The following COQ8A variants were observed in gnomAD, a reference collection of about 807,000 sequenced individuals.
COQ8A encodes coenzyme Q8A.
Under a neutral mutation model 65.0 loss-of-function variants are expected in COQ8A, and 51 were observed. The observed-to-expected ratio is 0.78, with a 90% CI of 0.63 to 0.99. The LOEUF (loss-of-function observed/expected upper bound fraction) is 0.99. COQ8A is among the 50% of genes least tolerant of loss of function. The pLI is 0.00. For missense variants in COQ8A, 940 were observed against 875.0 expected, an observed-to-expected ratio of 1.07 and a Z score of -0.94; for synonymous variants, 371 against 353.2, an observed-to-expected ratio of 1.05 and a Z score of -0.57.
intron 1 of COQ8A, among the ~76,000 whole-genome samples, chr1:226,956,337 C>T (rs1299654067): frequency 7.2e-6 from 1 of 137,950 alleles, no homozygotes; most frequent in Non-Finnish European, 1.5e-5. Flanking sequence ...GGTTCACACT[C>T]TCCCTGGCTC....
intron 4 of COQ8A, among the ~76,000 whole-genome samples, chr1:226,971,216 C>T (rs1048203883): frequency 1.3e-5 from 2 of 151,380 alleles, no homozygotes; most frequent in Non-Finnish European, 2.9e-5. Context: ...GCTGGGATTA[C>T]AGGCATGAGC....
intron 11 of COQ8A, 66 bp from the exon 12 acceptor site, chr1:226,984,482 C>A: frequency 6.9e-7 from 1 of 1,442,858 alleles, no homozygotes; most frequent in Non-Finnish European, 9.8e-7. Flanking sequence ...GCTTCTCTGG[C>A]CCCAGTCTCC....
intron 2 of COQ8A, among the ~76,000 whole-genome samples, chr1:226,963,710 T>G (rs887190945): frequency 9.8e-5 from 15 of 152,364 alleles, no homozygotes; most frequent in Admixed American, 9.8e-4. Context: ...GTTCAAGCGA[T>G]TCTCCTGCCT....
chr1:226,953,811 C>T (rs1192392825), intron 1 of COQ8A, among the ~76,000 whole-genome samples: 4 of 152,210 alleles, frequency 2.6e-5, no homozygotes, highest in Admixed American at 6.5e-5. Context: ...TTGAGTGATG[C>T]TCCCTGGTGT....
Position 226,986,966 on chromosome 1 carries a change from C to T in COQ8A, c.*229C>T, listed in dbSNP as rs900104587. ...CCCCACTGCTCGGTCAGTCTGCCTC[C>T]GTGTGTCCTCTGAAATAAGCAGATG... is the stretch of plus-strand genomic sequence containing the variant. On this transcript the variant is annotated 3_prime_UTR_variant, in exon 15 of 15. Transcript: ENST00000366777. The T allele has an allele frequency of 7.2e-5, 43 of 593,880 alleles. No homozygotes were observed. The highest frequency in any genetic ancestry group is 1.7e-4 in the African/African-American group (9 of 53,890). The allele number at this position is 593,880 out of a possible 1,614,324, so 36.8% of individuals were successfully genotyped here. A position where few individuals can be genotyped will look rare whatever the true frequency, so the allele number is the denominator to read the frequency against.
rs552591360 is a variant in COQ8A at position 226,947,159 on chromosome 1, A to G, written c.-10+6760A>G. Among the ~76,000 whole-genome samples the G allele has an allele frequency of 2.6e-5, 4 of 152,324 alleles. No individual in the cohort carries two copies. In the South Asian group the frequency reaches 8.3e-4, roughly 32 times the overall value. ...GATGTAAACCTTGCTGATGTCTCATATTGAGTGACTATTGATTTAACAAAA... is the reference window on the plus strand; with the variant it reads ...GATGTAAACCTTGCTGATGTCTCATGTTGAGTGACTATTGATTTAACAAAA... On this transcript the variant is annotated intron_variant, in intron 1 of 14. Transcript: ENST00000366777.
Position 226,984,175 on chromosome 1 carries a change from G to A in COQ8A, c.1338G>A (p.Glu446=). The A allele has an allele frequency of 6.2e-7, 1 of 1,613,880 alleles. No homozygotes were observed. Among genetic ancestry groups the A allele is most frequent in the Non-Finnish European group, 8.5e-7 (1 of 1,180,000 alleles). The part of the protein sequence containing the change: ...ELCSPHVLTT[E]LVSGFPLDQA... ...GCAGCCCACATGTGCTGACCACAGAGCTGGTGTCTGGCTTCCCCCTGGACC... is the reference window on the plus strand; with the variant it reads ...GCAGCCCACATGTGCTGACCACAGAACTGGTGTCTGGCTTCCCCCTGGACC... Residue 446 remains glutamate (E), a synonymous_variant, in exon 11 of 15, where the codon GAG becomes GAA. Coordinates refer to ENST00000366777, the MANE Select transcript of COQ8A (RefSeq NM_020247.5).
At chr1:226,955,981 C>T (rs1657712763) in intron 1 of COQ8A, among the ~76,000 whole-genome samples, 3 of 134,494 alleles carry the variant, frequency 2.2e-5, no homozygotes, top group Admixed American at 7.2e-5. Flanking sequence ...CTCTCCCTGG[C>T]TGCCACTCCC....
intron 2 of COQ8A, among the ~76,000 whole-genome samples, chr1:226,963,205 C>T (rs943504623): frequency 5.9e-5 from 9 of 152,312 alleles, no homozygotes; most frequent in African/African-American, 1.7e-4. Flanking sequence ...GGCTGAGTGA[C>T]GAGCCACACC....
chr1:226,971,228 A>G (rs1388665811), intron 4 of COQ8A, among the ~76,000 whole-genome samples: 1 of 150,224 alleles, frequency 6.7e-6, no homozygotes, highest in East Asian at 2.1e-4. Flanking sequence ...GGCATGAGCC[A>G]CCACACCCGA....
chr1:226,960,616 A>ATGGTGGTGG lies in COQ8A; in HGVS notation c.-9-744_-9-736dup, dbSNP rs777819893. On this transcript the variant is annotated intron_variant, in intron 1 of 14. Coordinates refer to ENST00000366777, the MANE Select transcript of COQ8A (RefSeq NM_020247.5). ...GGTGGTGGCGGCAGTGGCGGTGGTG[A>ATGGTGGTGG]TGGTGGTGGTGGTGGTGGTGGTGGT... Among the ~76,000 whole-genome samples, 8 of 40,948 alleles carry ATGGTGGTGG rather than the reference A, an allele frequency of 2.0e-4. No homozygotes were observed. The East Asian group carries it at 3.1e-3, about 16-fold the overall frequency. 26.9% of individuals were successfully genotyped at this position (40,948 alleles called of 152,430 possible).
At chr1:226,963,681 T>A (rs1387804086) in intron 2 of COQ8A, among the ~76,000 whole-genome samples, 1 of 152,214 alleles carries the variant, frequency 6.6e-6, no homozygotes, top group Non-Finnish European at 1.5e-5. Context: ...CTCTGCTCAC[T>A]GCAACCTCCG....
chr1:226,969,627 G>T (rs761515228), intron 4 of COQ8A, among the ~76,000 whole-genome samples: 1 of 151,860 alleles, frequency 6.6e-6, no homozygotes, highest in Non-Finnish European at 1.5e-5. Context: ...CTCATTGTCT[G>T]ATATTACTAT....
chr1:226,984,208 A>T lies in COQ8A; in HGVS notation c.1371A>T (p.Glu457Asp). 6.2e-7 allele frequency: 1 copy of T among 1,613,772 alleles called. No homozygotes were observed. The highest frequency in any genetic ancestry group is 2.2e-5 in the East Asian group (1 of 44,866). ...CTGGCTTCCCCCTGGACCAGGCCGA[A>T]GGGCTCAGCCAGGAGATTCGGAACG... The part of the protein sequence containing the change: ...LVSGFPLDQA[E>D]GLSQEIRNEI... Residue 457 changes from glutamate (E) to aspartate (D), a missense_variant, in exon 11 of 15, where the codon GAA becomes GAT. Physicochemically the swap from Glu to Asp is conservative, Grantham distance 45 (BLOSUM62 2). Coordinates refer to ENST00000366777, the MANE Select transcript of COQ8A (RefSeq NM_020247.5).
At position 226,983,823 on chromosome 1, in the gene COQ8A, C is replaced by T; in HGVS notation, c.1225C>T (p.Gln409Ter). The T allele has an allele frequency of 6.2e-7, 1 of 1,611,858 alleles. No individual in the cohort carries two copies. The highest frequency in any genetic ancestry group is 8.5e-7 in the Non-Finnish European group (1 of 1,179,986). ...RRELALECDY[Q>*]REAACARKFR... ...GGAGCTGGCCCTGGAGTGTGACTAC[C>T]AGCGAGAGGCCGCCTGTGCCCGCAA... The change falls in exon 10 of 15, where the codon CAG (glutamine) becomes TAG (stop). Residue 409 changes from glutamine to a stop codon, truncating the protein, a stop_gained. Transcript: ENST00000366777. LOFTEE classifies it high-confidence loss of function.
rs779737207 is a variant in COQ8A, at chr1:226,984,192, C to T, written c.1355C>T (p.Pro452Leu). 1.9e-6 allele frequency: 3 copies of T among 1,613,826 alleles called. No homozygotes were observed. The highest frequency in any genetic ancestry group is 1.1e-5 in the South Asian group (1 of 91,084). Residue 452 changes from proline (P) to leucine (L), a missense_variant, in exon 11 of 15, where the codon CCC (proline) becomes CTC (leucine). Physicochemically the swap from Pro to Leu is moderately conservative, Grantham distance 98. Transcript: ENST00000366777. ...VLTTELVSGF[P>L]LDQAEGLSQE... ...ACCACAGAGCTGGTGTCTGGCTTCC[C>T]CCTGGACCAGGCCGAAGGGCTCAGC...
At position 226,965,249 on chromosome 1, in the gene COQ8A, G is replaced by A. The variant is rs760566419; in HGVS notation, c.427G>A (p.Gly143Arg). Residue 143 changes from glycine (G) to arginine (R), a missense_variant, in exon 3 of 15, where the codon GGG becomes AGG. Transcript: ENST00000366777. ...CTCCTCCCCTCTGGGCAGGGCCAACGGGAGGCTCTTTGCAAACCCCAGAGA... is the reference window on the plus strand; with the variant it reads ...CTCCTCCCCTCTGGGCAGGGCCAACAGGAGGCTCTTTGCAAACCCCAGAGA... ...QASSPLGRAN[G>R]RLFANPRDSF... is the part of the protein sequence containing the mutation. 4.3e-6 allele frequency: 7 copies of A among 1,613,992 alleles called. No homozygotes were observed. Among genetic ancestry groups the A allele is most frequent in the African/African-American group, 4.0e-5 (3 of 75,060 alleles).
chr1:226,947,723 G>A (rs1259828142), intron 1 of COQ8A, among the ~76,000 whole-genome samples: 1 of 152,086 alleles, frequency 6.6e-6, no homozygotes, highest in Non-Finnish European at 1.5e-5. Context: ...CTGTGCCTGG[G>A]GAGGTTGAGG....
At chr1:226,986,396 G>A (rs1049874795) in intron 14 of COQ8A, 57 bp from the exon 15 acceptor site, 175 of 1,592,668 alleles carry the variant, frequency 1.1e-4, no homozygotes, top group Non-Finnish European at 1.4e-4. Flanking sequence ...GGAGGAACCC[G>A]GGCTGGTGGA....
Sources: allele counts gnomAD v4.1 joint callset (sites outside exome capture counted in the v4.1 genomes callset), GRCh38; gene constraint gnomAD v4.1.1; transcripts MANE v1.5; gene names NCBI Gene and HGNC (gene_info 2026-07-23, HGNC 2026-07-21).